Variants in THSD7B observed in about 807,000 individuals in gnomAD.
The protein encoded by THSD7B is thrombospondin type-1 domain-containing protein 7B.
THSD7B carries 138 observed loss-of-function variants against 213.6 expected under a neutral mutation model. That is an observed-to-expected ratio of 0.65 (90% CI 0.56 to 0.74). The LOEUF is 0.74. Ranked by LOEUF, THSD7B falls within the 30% of genes least tolerant of loss-of-function variation. THSD7B has a pLI of 0.00. For synonymous variants in THSD7B, 742 were observed against 687.0 expected (o/e 1.08, Z -1.25); for missense variants, 1,931 against 1,991.5 (o/e 0.97, Z 0.58).
intron 2 of THSD7B, among the ~76,000 whole-genome samples, chr2:136,976,776 C>A (rs1474853031): frequency 6.6e-6 from 1 of 152,106 alleles, no homozygotes; most frequent in Non-Finnish European, 1.5e-5. Context: ...CGCCTGCCAC[C>A]ACGCCTGGCT....
chr2:136,943,448 A>C lies in THSD7B; in HGVS notation c.139+61131A>C, dbSNP rs185499482. 4.3e-3 allele frequency among the ~76,000 whole-genome samples: 649 copies of C among 152,306 alleles called. 6 individuals are homozygous for C. The highest frequency in any genetic ancestry group is 0.015 in the South Asian group (70 of 4,820). On this transcript the variant is annotated intron_variant, in intron 2 of 27. Transcript: ENST00000409968. Reference sequence around the variant, plus strand: ...TTTCTATTAATTGGAATAGTTTCAGAAGGTATGGTACCAGCTCCTTTTTGT... The same window carrying C: ...TTTCTATTAATTGGAATAGTTTCAGCAGGTATGGTACCAGCTCCTTTTTGT...
intron 2 of THSD7B, among the ~76,000 whole-genome samples, chr2:137,005,541 T>C (rs1686087835): frequency 6.6e-6 from 1 of 152,188 alleles, no homozygotes; most frequent in South Asian, 2.1e-4. Flanking sequence ...GAAATTGAGA[T>C]ATCTTAACAG....
At chr2:136,912,376 C>G (rs545244959) in intron 2 of THSD7B, among the ~76,000 whole-genome samples, 8 of 136,872 alleles carry the variant, frequency 5.8e-5, no homozygotes, top group African/African-American at 2.3e-4. Flanking sequence ...AGGTTTAACA[C>G]AGTGGTATGT....
chr2:137,284,418 T>C (rs1425681331), intron 12 of THSD7B, among the ~76,000 whole-genome samples: 2 of 152,168 alleles, frequency 1.3e-5, no homozygotes, highest in Non-Finnish European at 2.9e-5. Flanking sequence ...GCTCTGATCT[T>C]AGTTATTTCT....
chr2:137,024,410 C>T (rs886874242), intron 2 of THSD7B, among the ~76,000 whole-genome samples: 1 of 152,148 alleles, frequency 6.6e-6, no homozygotes, highest in African/African-American at 2.4e-5. Context: ...GTATCATTAG[C>T]AAGGCTGCTT....
At chr2:137,494,396 A>C (rs752282308) in intron 15 of THSD7B, among the ~76,000 whole-genome samples, 2 of 152,106 alleles carry the variant, frequency 1.3e-5, no homozygotes, top group Non-Finnish European at 2.9e-5. Flanking sequence ...TTATTGCCAG[A>C]TTTTTTTCTA....
At chr2:137,078,085 C>T (rs1439152445) in intron 3 of THSD7B, among the ~76,000 whole-genome samples, 3 of 152,170 alleles carry the variant, frequency 2.0e-5, no homozygotes, top group East Asian at 3.9e-4. Flanking sequence ...AATAGGGAAT[C>T]ATTTCCCCAT....
chr2:137,188,165 C>T (rs949483604), intron 7 of THSD7B, among the ~76,000 whole-genome samples: 1 of 152,166 alleles, frequency 6.6e-6, no homozygotes, highest in African/African-American at 2.4e-5. Flanking sequence ...GAATCGTAGG[C>T]ATTGAATTCA....
At chr2:137,259,800 G>T (rs1682398697) in intron 10 of THSD7B, among the ~76,000 whole-genome samples, 1 of 152,072 alleles carries the variant, frequency 6.6e-6, no homozygotes, top group Non-Finnish European at 1.5e-5. Context: ...TCTTTTGTTT[G>T]GTTGTAGCTT....
At chr2:137,299,580 A>G (rs779753154) in intron 12 of THSD7B, among the ~76,000 whole-genome samples, 2 of 152,118 alleles carry the variant, frequency 1.3e-5, no homozygotes, top group African/African-American at 4.8e-5. Context: ...GAAATCTCAG[A>G]GGGTGAGGCT....
intron 10 of THSD7B, among the ~76,000 whole-genome samples, chr2:137,252,911 C>CA (rs1490948434): frequency 3.7e-5 from 3 of 80,660 alleles, no homozygotes; most frequent in Non-Finnish European, 7.5e-5. Context: ...AAAAGGCTTG[C>CA]TTTTTTTTTT....
intron 12 of THSD7B, among the ~76,000 whole-genome samples, chr2:137,400,509 G>A (rs1686330216): frequency 6.6e-6 from 1 of 152,152 alleles, no homozygotes; most frequent in South Asian, 2.1e-4. Context: ...TAGCTTTAGT[G>A]TGGTAGCTTC....
intron 15 of THSD7B, among the ~76,000 whole-genome samples, chr2:137,464,733 T>C (rs778131267): frequency 1.3e-4 from 20 of 152,172 alleles, no homozygotes; most frequent in South Asian, 2.1e-4. Flanking sequence ...AGCTGCTCAA[T>C]TGACTGTTTA....
chr2:137,112,416 G>T (rs2104935833), intron 4 of THSD7B, among the ~76,000 whole-genome samples: 1 of 151,486 alleles, frequency 6.6e-6, no homozygotes, highest in Non-Finnish European at 1.5e-5. Context: ...TTTATCATTT[G>T]CCAGTGAATG....
At chr2:137,334,202 T>TCTCTCTCTCTCTCTC (rs1558761576) in intron 12 of THSD7B, among the ~76,000 whole-genome samples, 1 of 139,796 alleles carries the variant, frequency 7.2e-6, no homozygotes, top group African/African-American at 2.7e-5. Context: ...CTCTCTCTCT[T>TCTCTCTCTCTCTCTC]TCTCTCTTTC....
intron 2 of THSD7B, among the ~76,000 whole-genome samples, chr2:136,904,821 A>AGAG (rs79025512): frequency 7.0e-6 from 1 of 143,220 alleles, no homozygotes; most frequent in African/African-American, 2.6e-5. Context: ...AAAGAGAGAG[A>AGAG]AAAAAAATTA....
chr2:136,901,030 G>C (rs113906), intron 2 of THSD7B, among the ~76,000 whole-genome samples: 65,688 of 151,796 alleles, frequency 0.43, 15,733 homozygotes, highest in Non-Finnish European at 0.55. Context: ...TCTTCATAAT[G>C]TTTTACTCAG....
chr2:137,581,668 G>A (rs1039590251), intron 17 of THSD7B, among the ~76,000 whole-genome samples: 2 of 150,904 alleles, frequency 1.3e-5, no homozygotes, highest in African/African-American at 2.4e-5. Context: ...GCTGAGGCAG[G>A]AGAATGGCGT....
chr2:136,965,295 T>G (rs144967060), intron 2 of THSD7B, among the ~76,000 whole-genome samples: 2 of 152,334 alleles, frequency 1.3e-5, no homozygotes, highest in African/African-American at 4.8e-5. Context: ...GCCTCTCTTA[T>G]GGAGTTTACT....
Sources: allele counts gnomAD v4.1 joint callset (sites outside exome capture counted in the v4.1 genomes callset), GRCh38; gene constraint gnomAD v4.1.1; transcripts MANE v1.5; gene names NCBI Gene and HGNC (gene_info 2026-07-23, HGNC 2026-07-21).